PROX2: variants seen among roughly 807,000 people sequenced by gnomAD.
PROX2 encodes the protein prospero homeobox 2.
Under a neutral mutation model 48.9 loss-of-function variants are expected in PROX2, and 46 were observed. The ratio of observed to expected loss-of-function variants is 0.94; its 90% CI spans 0.74 to 1.20. The LOEUF is 1.20. PROX2 is among the 50% of genes most tolerant of loss of function. The pLI, the probability that PROX2 is intolerant of heterozygous loss-of-function variation, is 0.00. For synonymous variants in PROX2, 260 were observed against 276.6 expected (o/e 0.94, Z 0.60); for missense variants, 663 against 719.4 (o/e 0.92, Z 0.90).
At chr14:74,865,645 A>G (rs1883038972) in intron 2 of PROX2, among the ~76,000 whole-genome samples, 2 of 151,718 alleles carry the variant, frequency 1.3e-5, no homozygotes, top group African/African-American at 4.8e-5. Context: ...CCTGGCTAAC[A>G]TTCATGAAAC....
At chr14:74,855,764 G>A (rs2091738541) in intron 5 of PROX2, 1 of 152,514 alleles carries the variant, frequency 6.6e-6, no homozygotes, top group African/African-American at 2.4e-5. Flanking sequence ...TGGTTGACGG[G>A]GGTGCTGTTC....
At position 74,863,130 on chromosome 14, in the gene PROX2, G is replaced by A. The variant is rs1284206918; in HGVS notation, c.705C>T (p.Ser235=). 6.2e-7 allele frequency: 1 copy of A among 1,613,874 alleles called. No homozygotes were observed. The change falls in exon 3 of 6, where the codon TCC becomes TCT. Residue 235 remains serine, a synonymous_variant. Coordinates refer to ENST00000556489, the MANE Select transcript of PROX2 (RefSeq NM_001243007.2). The part of the protein sequence containing the change: ...ILRKELTRAV[S]QAVDSVLQKV... The stretch of plus-strand genomic sequence containing the variant: ...TTTGTAATACCGAGTCCACAGCCTG[G>A]GACACTGCCCTGGTCAGCTCTTTCC...
In PROX2 at chr14:74,863,201, G is replaced by C; in HGVS notation, c.634C>G (p.Pro212Ala). The change falls in exon 3 of 6, where the codon CCC (proline) becomes GCC (alanine). Residue 212 changes from proline (P) to alanine (A), a missense_variant. By Grantham distance (27) the Pro-to-Ala change is conservative. Transcript: ENST00000556489. ...GGTGCTCCAGAAGGAAGGAAACTGGGCTTCTCAGACTCTTGGTGTTTTTCT... is the reference window on the plus strand; with the variant it reads ...GGTGCTCCAGAAGGAAGGAAACTGGCCTTCTCAGACTCTTGGTGTTTTTCT... The part of the protein sequence containing the change: ...GAEKHQESEK[P>A]SFLPSGAPAS... The C allele has an allele frequency of 6.2e-7, 1 of 1,614,008 alleles. No individual in the cohort carries two copies. Among genetic ancestry groups the C allele is most frequent in the South Asian group, 1.1e-5 (1 of 91,086 alleles).
Position 74,855,042 on chromosome 14 carries a change from A to C in PROX2, c.*90T>G. The stretch of plus-strand genomic sequence containing the variant: ...GAGGAGATTTCCTTGTGCCCTTTTT[A>C]TATGACTACAGCTAAATTGCCCTTT... On this transcript the variant is annotated 3_prime_UTR_variant, in exon 6 of 6. Coordinates refer to ENST00000556489, the MANE Select transcript of PROX2 (RefSeq NM_001243007.2). 1.2e-6 allele frequency: 1 copy of C among 833,698 alleles called. No individual in the cohort carries two copies. Among genetic ancestry groups the C allele is most frequent in the Non-Finnish European group, 1.7e-6 (1 of 576,366 alleles). 51.6% of individuals were successfully genotyped at this position (833,698 alleles called of 1,614,324 possible).
At chr14:74,873,197 A>G (rs925469571) in intron 1 of PROX2, among the ~76,000 whole-genome samples, 2 of 152,054 alleles carry the variant, frequency 1.3e-5, no homozygotes, top group Non-Finnish European at 2.9e-5. Context: ...GTTAGCCAGG[A>G]TGGTCTCAAT....
intron 2 of PROX2, among the ~76,000 whole-genome samples, chr14:74,864,892 C>T (rs1381629156): frequency 6.6e-6 from 1 of 151,222 alleles, no homozygotes; most frequent in African/African-American, 2.4e-5. Flanking sequence ...ACCTGTAATC[C>T]CAGCACTTTG....
At chr14:74,867,891 C>G (rs1448347909) in intron 2 of PROX2, among the ~76,000 whole-genome samples, 1 of 152,140 alleles carries the variant, frequency 6.6e-6, no homozygotes, top group Non-Finnish European at 1.5e-5. Context: ...GAAATCCAGC[C>G]AGACTCCACT....
chr14:74,858,864 G>A lies in PROX2; in HGVS notation c.1306-350C>T, dbSNP rs1384486849. ...GTATTGTGTGTGTGTGTGTGTGTGTGTGTGTGTGTGTGTGTGTGTGTGGTG... is the reference window on the plus strand; with the variant it reads ...GTATTGTGTGTGTGTGTGTGTGTGTATGTGTGTGTGTGTGTGTGTGTGGTG... On this transcript the variant is annotated intron_variant, in intron 3 of 5. Transcript: ENST00000556489. The A allele has an allele frequency of 4.3e-5, 8 of 186,432 alleles. No individual in the cohort carries two copies. The South Asian group carries it at 8.0e-4, about 19-fold the overall frequency. 11.5% of individuals were successfully genotyped at this position (186,432 alleles called of 1,614,324 possible).
rs551021000 is a variant in PROX2 at position 74,863,332 on chromosome 14, G to T, written c.503C>A (p.Thr168Lys). The T allele has an allele frequency of 2.5e-6, 4 of 1,614,036 alleles. No homozygotes were observed. Among genetic ancestry groups the T allele is most frequent in the East Asian group, 4.5e-5 (2 of 44,890 alleles). Residue 168 changes from threonine to lysine, a missense_variant, in exon 3 of 6, where the codon ACG becomes AAG. Physicochemically the swap from Thr to Lys is moderately conservative, Grantham distance 78. Coordinates refer to ENST00000556489, the MANE Select transcript of PROX2 (RefSeq NM_001243007.2). Reference protein sequence around the residue: ...DTAQGPGGCGTGKGPLSAKQG... With the variant: ...DTAQGPGGCGKGKGPLSAKQG... The stretch of plus-strand genomic sequence containing the variant: ...CTTTGCACTCAGAGGGCCTTTCCCC[G>T]TGCCACAGCCTCCTGGCCCCTGAGC...
rs371301590 is a variant in PROX2, at chr14:74,858,437, G to T, written c.1383C>A (p.Asn461Lys). 10 of 1,582,458 alleles carry T rather than the reference G, an allele frequency of 6.3e-6. No individual in the cohort carries two copies. The African/African-American group carries it at 1.2e-4, about 19-fold the overall frequency. ...MFFFTRYPSS[N>K]LLKVYFPDVQ... is the part of the protein sequence containing the mutation. ...CATCAGGAAAATAAACCTTCAGGAG[G>T]TTGGAGCTGGGATATCGTGTGAAGA... The change falls in exon 4 of 6, where the codon AAC (asparagine) becomes AAA (lysine). Residue 461 changes from asparagine to lysine, a missense_variant. Physicochemically the swap from Asn to Lys is moderately conservative, Grantham distance 94 (BLOSUM62 0). Coordinates refer to ENST00000556489, the MANE Select transcript of PROX2 (RefSeq NM_001243007.2).
At chr14:74,861,527 A>G (rs1187232563) in intron 3 of PROX2, among the ~76,000 whole-genome samples, 1 of 152,216 alleles carries the variant, frequency 6.6e-6, no homozygotes, top group Non-Finnish European at 1.5e-5. Flanking sequence ...ACTCTGGGAA[A>G]TACATTAAGA....
chr14:74,863,863 T>C lies in PROX2; in HGVS notation c.-29A>G, dbSNP rs776074689. On this transcript the variant is annotated 5_prime_UTR_variant, in exon 3 of 6. Transcript: ENST00000556489. ...AGGCACTTGTTCAGGGCTTCAGGAA[T>C]TCCTCCTCCTTATTTCCTCAGCTGG... 6.9e-7 allele frequency: 1 copy of C among 1,454,610 alleles called. No homozygotes were observed. The highest frequency in any genetic ancestry group is 9.0e-7 in the Non-Finnish European group (1 of 1,110,822). The allele number at this position is 1,454,610 out of a possible 1,614,324, so 90.1% of individuals were successfully genotyped here.
In PROX2 at chr14:74,863,341, C is replaced by A. The variant is rs770950065; in HGVS notation, c.494G>T (p.Gly165Val). The A allele has an allele frequency of 1.2e-5, 19 of 1,613,956 alleles. 1 individual carries two copies. The South Asian group carries it at 2.1e-4, about 18-fold the overall frequency. ...CAGAGGGCCTTTCCCCGTGCCACAG[C>A]CTCCTGGCCCCTGAGCTGTGTCCCT... ...KPRDTAQGPGGCGTGKGPLSA... is the reference protein window; with the variant it reads ...KPRDTAQGPGVCGTGKGPLSA... The change falls in exon 3 of 6, where the codon GGC becomes GTC. Residue 165 changes from glycine to valine, a missense_variant. Physicochemically the swap from Gly to Val is moderately radical, Grantham distance 109 (BLOSUM62 -3). Transcript: ENST00000556489.
intron 2 of PROX2, among the ~76,000 whole-genome samples, chr14:74,868,947 G>T (rs1198201670): frequency 6.6e-6 from 1 of 152,076 alleles, no homozygotes; most frequent in African/African-American, 2.4e-5. Flanking sequence ...TGACCTCTCC[G>T]TACCTCAGTT....
chr14:74,855,338 C>T (rs766153600), intron 5 of PROX2, 36 bp from the exon 6 acceptor site: 29 of 1,496,016 alleles, frequency 1.9e-5, no homozygotes, highest in African/African-American at 2.8e-5. Context: ...AAAGAAAAGA[C>T]GTGAGGTTGG....
chr14:74,858,561 C>G, intron 3 of PROX2, 47 bp from the exon 4 acceptor site: 4 of 984,538 alleles, frequency 4.1e-6, no homozygotes, highest in South Asian at 1.4e-5. Context: ...GCCAGTTTAT[C>G]AATTAACTAG....
intron 2 of PROX2, among the ~76,000 whole-genome samples, chr14:74,865,597 C>T (rs1883037449): frequency 6.6e-6 from 1 of 152,174 alleles, no homozygotes; most frequent in Non-Finnish European, 1.5e-5. Context: ...AATCCCAGCA[C>T]TTTGGGAGGC....
chr14:74,874,591 G>A (rs1411876006), intron 1 of PROX2, among the ~76,000 whole-genome samples: 1 of 151,976 alleles, frequency 6.6e-6, no homozygotes, highest in African/African-American at 2.4e-5. Context: ...GCATTGGAGT[G>A]GACCTAACTC....
intron 2 of PROX2, among the ~76,000 whole-genome samples, chr14:74,867,199 T>C (rs1266236691): frequency 6.6e-6 from 1 of 152,228 alleles, no homozygotes; most frequent in Non-Finnish European, 1.5e-5. Context: ...TCCTGTGGAC[T>C]AGAAGGTTCA....
Sources: gnomAD v4.1 joint callset for allele counts (sites outside exome capture counted in the v4.1 genomes callset) on GRCh38, gnomAD v4.1.1 for gene constraint, MANE v1.5 for transcripts, NCBI Gene and HGNC (gene_info 2026-07-23, HGNC 2026-07-21) for gene names.